The following NELL1 variants were observed in gnomAD, a reference collection of about 807,000 sequenced individuals.
NELL1 encodes the protein neural EGFL like 1.
A neutral mutation model predicts 107.4 loss-of-function variants in NELL1; 76 were observed. The ratio of observed to expected loss-of-function variants is 0.71; its 90% CI spans 0.59 to 0.86. The LOEUF (loss-of-function observed/expected upper bound fraction) is 0.86. Ranked by LOEUF, NELL1 falls within the 40% of genes least tolerant of loss-of-function variation. NELL1 has a pLI of 0.00. For synonymous variants in NELL1, 353 were observed against 341.2 expected, an observed-to-expected ratio of 1.03 and a Z score of -0.38; for missense variants, 1,024 against 1,005.5, an observed-to-expected ratio of 1.02 and a Z score of -0.25.
rs1401536226 is a variant in NELL1, at chr11:21,552,142, TG to T, written c.1787-8041del. The stretch of plus-strand genomic sequence containing the variant: ...TCACTCTCTGGGGACTGTTGTGGGG[TG>T]GGGGGAGGGGGGAGGGATAGCATTA... On this transcript the variant is annotated intron_variant, in intron 16 of 19. Coordinates refer to ENST00000357134, the MANE Select transcript of NELL1 (RefSeq NM_006157.5). Among the ~76,000 whole-genome samples the T allele has an allele frequency of 9.7e-5, 7 of 72,212 alleles. No individual in the cohort carries two copies. In the Admixed American group the frequency reaches 1.2e-3, roughly 12 times the overall value. The allele number at this position is 72,212 out of a possible 152,430, so 47.4% of individuals were successfully genotyped here.
At chr11:21,146,702 A>G (rs1855985951) in intron 13 of NELL1, among the ~76,000 whole-genome samples, 1 of 152,206 alleles carries the variant, frequency 6.6e-6, no homozygotes, top group Admixed American at 6.5e-5. Flanking sequence ...ATAACCAAAC[A>G]GTAAACAGAA....
chr11:21,378,796 C>G (rs1180312665), intron 15 of NELL1, among the ~76,000 whole-genome samples: 1 of 150,102 alleles, frequency 6.7e-6, no homozygotes. Context: ...TGGCTCACAG[C>G]ATCCTCCACC....
chr11:21,033,295 T>A (rs759278444), intron 12 of NELL1, among the ~76,000 whole-genome samples: 9 of 152,212 alleles, frequency 5.9e-5, no homozygotes, highest in Non-Finnish European at 1.0e-4. Context: ...AGTATTTTTT[T>A]AAATTTAACT....
intron 14 of NELL1, among the ~76,000 whole-genome samples, chr11:21,332,923 T>C (rs61000787): frequency 2.0e-3 from 298 of 152,182 alleles, no homozygotes; most frequent in African/African-American, 7.0e-3. Context: ...GTATAAGTTA[T>C]AAGATGGTTT....
Position 20,700,312 on chromosome 11 carries a change from C to A in NELL1, c.184+22252C>A, listed in dbSNP as rs1854743033. Among the ~76,000 whole-genome samples the A allele has an allele frequency of 1.3e-5, 2 of 151,910 alleles. 1 individual carries two copies. The highest frequency in any genetic ancestry group is 4.2e-4 in the South Asian group (2 of 4,806). ...TGGCCAATATAGTGAAACCCCGTCTCTACTAAAAATACAAAAATTAGCCAG... is the reference window on the plus strand; with the variant it reads ...TGGCCAATATAGTGAAACCCCGTCTATACTAAAAATACAAAAATTAGCCAG... On this transcript the variant is annotated intron_variant, in intron 2 of 19. Transcript: ENST00000357134.
chr11:21,116,511 G>A (rs1855239725), intron 13 of NELL1, among the ~76,000 whole-genome samples: 1 of 151,952 alleles, frequency 6.6e-6, no homozygotes, highest in Admixed American at 6.6e-5. Context: ...TAGATGCTTA[G>A]TAGGAATTTC....
intron 15 of NELL1, among the ~76,000 whole-genome samples, chr11:21,421,631 C>T (rs1318374891): frequency 1.4e-5 from 2 of 143,472 alleles, no homozygotes; most frequent in Admixed American, 1.4e-4. Flanking sequence ...TACTCCTTCT[C>T]CCACTAAAAC....
At chr11:21,544,172 T>TTAC (rs1187619428) in intron 16 of NELL1, among the ~76,000 whole-genome samples, 1 of 151,942 alleles carries the variant, frequency 6.6e-6, no homozygotes, top group African/African-American at 2.4e-5. Flanking sequence ...TGGGCAGTAA[T>TTAC]GATAAGGAGA....
intron 14 of NELL1, among the ~76,000 whole-genome samples, chr11:21,366,272 A>G (rs1243373560): frequency 6.6e-6 from 1 of 152,144 alleles, no homozygotes; most frequent in Non-Finnish European, 1.5e-5. Context: ...GTGTCATTAA[A>G]GAAGTAAGGA....
At chr11:20,825,858 G>A (rs1857870693) in intron 3 of NELL1, among the ~76,000 whole-genome samples, 1 of 151,232 alleles carries the variant, frequency 6.6e-6, no homozygotes, top group Non-Finnish European at 1.5e-5. Context: ...GGGGTGGAAT[G>A]ATATGGTCCG....
chr11:20,789,416 C>T (rs1165277702), intron 3 of NELL1, among the ~76,000 whole-genome samples: 2 of 152,174 alleles, frequency 1.3e-5, no homozygotes, highest in African/African-American at 2.4e-5. Flanking sequence ...CCACCAGCAC[C>T]GGGGAACACG....
chr11:21,308,880 C>T (rs1849665868), intron 14 of NELL1, among the ~76,000 whole-genome samples: 1 of 151,588 alleles, frequency 6.6e-6, no homozygotes. Flanking sequence ...CATGGGGTTG[C>T]TATTACATTA....
At chr11:21,076,935 G>A (rs1249874965) in intron 12 of NELL1, among the ~76,000 whole-genome samples, 2 of 152,034 alleles carry the variant, frequency 1.3e-5, no homozygotes, top group East Asian at 1.9e-4. Flanking sequence ...AGTTGCAGAT[G>A]CCAACCTATG....
intron 12 of NELL1, among the ~76,000 whole-genome samples, chr11:20,978,915 G>T (rs1851694742): frequency 6.6e-6 from 1 of 152,044 alleles, no homozygotes; most frequent in Admixed American, 6.6e-5. Flanking sequence ...CAACATTATT[G>T]ATGCTTACTG....
At chr11:21,061,001 C>T (rs936692112) in intron 12 of NELL1, among the ~76,000 whole-genome samples, 4 of 152,214 alleles carry the variant, frequency 2.6e-5, no homozygotes, top group African/African-American at 9.6e-5. Context: ...TCCCAAAGTG[C>T]TGGGATTACA....
intron 12 of NELL1, among the ~76,000 whole-genome samples, chr11:21,025,257 C>G (rs1217348308): frequency 6.6e-6 from 1 of 151,708 alleles, no homozygotes; most frequent in African/African-American, 2.4e-5. Context: ...TTTGGTATAC[C>G]AAGCCTTATG....
chr11:21,092,540 T>C (rs1217931199), intron 12 of NELL1, among the ~76,000 whole-genome samples: 1 of 152,048 alleles, frequency 6.6e-6, no homozygotes, highest in Non-Finnish European at 1.5e-5. Context: ...AAAATGATAA[T>C]GATGATGATG....
At chr11:20,701,790 G>C (rs1204745992) in intron 2 of NELL1, among the ~76,000 whole-genome samples, 2 of 152,014 alleles carry the variant, frequency 1.3e-5, no homozygotes, top group African/African-American at 4.8e-5. Flanking sequence ...GCTTGTTTTT[G>C]TCAGGTTTGT....
At chr11:20,992,476 G>C (rs1354486345) in intron 12 of NELL1, among the ~76,000 whole-genome samples, 2 of 152,144 alleles carry the variant, frequency 1.3e-5, no homozygotes, top group Non-Finnish European at 2.9e-5. Context: ...TTGTAGATTA[G>C]GAAAGGAGAT....
Sources: allele counts gnomAD v4.1 joint callset (sites outside exome capture counted in the v4.1 genomes callset), GRCh38; gene constraint gnomAD v4.1.1; transcripts MANE v1.5; gene names NCBI Gene and HGNC (gene_info 2026-07-23, HGNC 2026-07-21).